The following ZNF724 variants were observed in gnomAD, a reference collection of about 807,000 sequenced individuals.
ZNF724 encodes the protein zinc finger protein 724, also known as zinc finger protein 724 pseudogene.
A neutral mutation model predicts 29.3 loss-of-function variants in ZNF724; 14 were observed. The ratio of observed to expected loss-of-function variants is 0.48; its 90% confidence interval spans 0.32 to 0.75. The LOEUF is 0.75. Among genes scored for constraint, ZNF724 ranks in the 30% least tolerant of loss-of-function variants. ZNF724 has a pLI of 0.04. For synonymous variants in ZNF724, 180 were observed against 193.6 expected (o/e 0.93, Z 0.58); for missense variants, 557 against 571.2 (o/e 0.98, Z 0.25).
At chr19:23,225,414 G>A (rs565784743) in intron 3 of ZNF724, among the ~76,000 whole-genome samples, 14 of 152,146 alleles carry the variant, frequency 9.2e-5, no homozygotes, top group South Asian at 2.1e-4. Flanking sequence ...AGACCAGCCC[G>A]GGCAACATGG....
chr19:23,225,578 C>T (rs1971811957), intron 3 of ZNF724, among the ~76,000 whole-genome samples: 2 of 152,206 alleles, frequency 1.3e-5, no homozygotes, highest in South Asian at 2.1e-4. Context: ...TGCACTCCAG[C>T]CTGGGCAACA....
chr19:23,232,507 T>C (rs1971953720), intron 1 of ZNF724, among the ~76,000 whole-genome samples: 1 of 152,182 alleles, frequency 6.6e-6, no homozygotes, highest in Non-Finnish European at 1.5e-5. Flanking sequence ...TCAATTTATA[T>C]ATGATACTTT....
In ZNF724 at chr19:23,222,716, TCTTTA is replaced by T; in HGVS notation, c.1524_1528del (p.Cys508Ter). ...GGATTGGTTAAAAGCTTTGCCACAT[TCTTTA>T]CATTTGTAGGGTTTCTCTCCAGTAT... On this transcript the variant is annotated stop_gained and frameshift_variant, in exon 4 of 4. Transcript: ENST00000418100. LOFTEE classifies it high-confidence loss of function. 1 of 1,415,908 alleles carries T rather than the reference TCTTTA, an allele frequency of 7.1e-7. No individual in the cohort carries two copies. Among genetic ancestry groups the T allele is most frequent in the Non-Finnish European group, 1.0e-6 (1 of 1,000,856 alleles). 87.7% of individuals were successfully genotyped at this position (1,415,908 alleles called of 1,614,324 possible). A position where few individuals can be genotyped will look rare whatever the true frequency, so the allele number is the denominator to read the frequency against.
At chr19:23,236,718 T>G (rs1972026592) in intron 1 of ZNF724, 1 of 152,194 alleles carries the variant, frequency 6.6e-6, no homozygotes, top group African/African-American at 2.4e-5. Context: ...AGCATGAGCA[T>G]TATGAAGAAA....
chr19:23,226,368 G>A lies in ZNF724; in HGVS notation c.227-2350C>T, dbSNP rs889730061. On this transcript the variant is annotated intron_variant, in intron 3 of 3. Coordinates refer to ENST00000418100, the MANE Select transcript of ZNF724 (RefSeq NM_001355404.2). ...GCCCAGCCCGAGAGAGGGTCTTTAC[G>A]GGTGGGCCAGGCTTGTCTCAAACTT... Among the ~76,000 whole-genome samples the A allele has an allele frequency of 5.3e-5, 8 of 152,164 alleles. No homozygotes were observed. The East Asian group carries it at 7.7e-4, about 15-fold the overall frequency.
At chr19:23,243,055 A>G (rs1187025570) in intron 1 of ZNF724, among the ~76,000 whole-genome samples, 9 of 37,072 alleles carry the variant, frequency 2.4e-4, no homozygotes, top group Admixed American at 4.1e-4. Flanking sequence ...AAAAAAAAAA[A>G]AAAGAAAGAA....
intron 1 of ZNF724, among the ~76,000 whole-genome samples, chr19:23,240,281 CAAAAA>C (rs34902602): frequency 1.9e-4 from 23 of 118,674 alleles, no homozygotes; most frequent in African/African-American, 6.1e-4. Flanking sequence ...GAGACTCTGT[CAAAAA>C]AAAAAAAAAA....
rs375486396 is a variant in ZNF724 at position 23,246,579 on chromosome 19, C to A, written c.3+3661G>T. 5.3e-5 allele frequency among the ~76,000 whole-genome samples: 8 copies of A among 151,648 alleles called. No individual in the cohort carries two copies. The East Asian group carries it at 7.8e-4, about 15-fold the overall frequency. On this transcript the variant is annotated intron_variant, in intron 1 of 3. Coordinates refer to ENST00000418100, the MANE Select transcript of ZNF724 (RefSeq NM_001355404.2). ...CTGAGAGAGGAGAATTGCTTAAACC[C>A]GGAGTCGGAGGTTGCAGTGAGCCAA...
rs1278473618 is a variant in ZNF724, at chr19:23,223,872, C to A, written c.373G>T (p.Val125Leu). The change falls in exon 4 of 4, where the codon GTG becomes TTG. Residue 125 changes from valine to leucine, a missense_variant. Val to Leu is a conservative substitution (Grantham distance 32). This residue lies in a region of ZNF724 where 362 missense variants were observed against 295.5 expected (regional missense o/e 1.22). Coordinates refer to ENST00000418100, the MANE Select transcript of ZNF724 (RefSeq NM_001355404.2). ...AATCCATTATAACTTCCTTTGTGCA[C>A]CTTGTACTCATCCACACTTTTATAG... ...KGYKSVDEYK[V>L]HKGSYNGFNQ... 3.9e-6 allele frequency: 3 copies of A among 779,202 alleles called. No individual in the cohort carries two copies. Among genetic ancestry groups the A allele is most frequent in the Admixed American group, 1.7e-5 (1 of 58,822 alleles). The allele number at this position is 779,202 out of a possible 1,614,324, so 48.3% of individuals were successfully genotyped here.
chr19:23,227,253 G>A (rs1211838614), intron 3 of ZNF724, among the ~76,000 whole-genome samples: 1 of 151,994 alleles, frequency 6.6e-6, no homozygotes, highest in South Asian at 2.1e-4. Flanking sequence ...TGAAACTGCT[G>A]TAATTCAAAT....
intron 1 of ZNF724, among the ~76,000 whole-genome samples, chr19:23,235,592 T>C (rs1446507956): frequency 2.0e-5 from 3 of 152,184 alleles, no homozygotes; most frequent in South Asian, 2.1e-4. Flanking sequence ...GACTCACTAG[T>C]CAAAACTTCC....
chr19:23,244,077 T>G (rs1405281180), intron 1 of ZNF724, among the ~76,000 whole-genome samples: 1 of 151,242 alleles, frequency 6.6e-6, no homozygotes, highest in Non-Finnish European at 1.5e-5. Context: ...TGAACTAAAA[T>G]TAAAAGTTGA....
At chr19:23,241,398 A>G (rs1279919046) in intron 1 of ZNF724, among the ~76,000 whole-genome samples, 1 of 152,226 alleles carries the variant, frequency 6.6e-6, no homozygotes, top group Non-Finnish European at 1.5e-5. Flanking sequence ...TCATTATATA[A>G]TAGCATCATT....
intron 1 of ZNF724, among the ~76,000 whole-genome samples, chr19:23,248,141 TAC>T (rs1972275470): frequency 6.6e-6 from 1 of 152,300 alleles, no homozygotes; most frequent in East Asian, 1.9e-4. Flanking sequence ...TTTTTTAAAA[TAC>T]AGTGTCAGGG....
intron 1 of ZNF724, among the ~76,000 whole-genome samples, chr19:23,246,700 T>C (rs1972242901): frequency 1.3e-5 from 2 of 151,884 alleles, no homozygotes; most frequent in African/African-American, 4.8e-5. Context: ...ACATCAAGAT[T>C]ACAGGATATA....
chr19:23,248,132 T>G (rs1025379110), intron 1 of ZNF724, among the ~76,000 whole-genome samples: 9 of 152,210 alleles, frequency 5.9e-5, no homozygotes, highest in Non-Finnish European at 1.3e-4. Context: ...GCACAGATAT[T>G]TTTTAAAATA....
rs1013359146 is a variant in ZNF724 at position 23,237,727 on chromosome 19, A to AAAAG, written c.4-5435_4-5434insCTTT. The stretch of plus-strand genomic sequence containing the variant: ...AGCAAGAACCCGTCTTAAAAAAAAA[A>AAAAG]AAAAAAGAAAATACTGTATAATTCA... On this transcript the variant is annotated intron_variant, in intron 1 of 3. Transcript: ENST00000418100. Among the ~76,000 whole-genome samples the AAAAG allele has an allele frequency of 4.7e-4, 71 of 151,510 alleles. 2 individuals are homozygous for AAAAG. Among genetic ancestry groups the AAAAG allele is most frequent in the Middle Eastern group, 6.8e-3 (2 of 294 alleles).
intron 1 of ZNF724, among the ~76,000 whole-genome samples, chr19:23,238,916 A>C (rs1233776322): frequency 7.2e-5 from 11 of 152,040 alleles, no homozygotes; most frequent in Admixed American, 2.0e-4. Flanking sequence ...CAAAAAACAA[A>C]AACAGCTAAA....
intron 3 of ZNF724, 41 bp downstream of exon 3, chr19:23,231,225 A>G: frequency 8.2e-7 from 1 of 1,217,410 alleles, no homozygotes; most frequent in Non-Finnish European, 1.2e-6. Flanking sequence ...TGACATTTGG[A>G]CCTCTCATCT....
Sources: allele counts gnomAD v4.1 joint callset (sites outside exome capture counted in the v4.1 genomes callset), GRCh38; gene constraint gnomAD v4.1.1; regional missense constraint gnomAD v4.1.1; transcripts MANE v1.5; gene names NCBI Gene and HGNC (gene_info 2026-07-23, HGNC 2026-07-21).